RANBP17: variants seen among roughly 807,000 people sequenced by gnomAD.
RANBP17 encodes the protein ran-binding protein 17.
In RANBP17, 158 loss-of-function variants were observed where a neutral mutation model predicts 141.2. That is an observed-to-expected ratio of 1.12 (90% confidence interval 0.98 to 1.28). The LOEUF is 1.28. Among genes scored for constraint, RANBP17 ranks in the 50% most tolerant of loss-of-function variants. RANBP17 has a pLI of 0.00. For synonymous variants in RANBP17, 430 were observed against 450.0 expected (o/e 0.96, Z 0.56); for missense variants, 1,438 against 1,290.7 (o/e 1.11, Z -1.75).
chr5:170,939,349 A>G (rs1246669602), intron 12 of RANBP17, among the ~76,000 whole-genome samples: 1 of 150,676 alleles, frequency 6.6e-6, no homozygotes, highest in East Asian at 1.9e-4. Flanking sequence ...TGGTAAACTC[A>G]AAAATTTTAT....
chr5:171,092,566 T>G (rs1482276125), intron 14 of RANBP17, among the ~76,000 whole-genome samples: 2 of 152,230 alleles, frequency 1.3e-5, no homozygotes, highest in Admixed American at 1.3e-4. Context: ...CTTACCCTGT[T>G]AAAGTCTTAT....
At chr5:170,996,842 A>G (rs1338376924) in intron 14 of RANBP17, among the ~76,000 whole-genome samples, 1 of 152,142 alleles carries the variant, frequency 6.6e-6, no homozygotes, top group African/African-American at 2.4e-5. Context: ...ATTGCTAGCA[A>G]AAGGGGGGGA....
chr5:170,900,380 G>T (rs1391776357), intron 5 of RANBP17, among the ~76,000 whole-genome samples: 1 of 152,024 alleles, frequency 6.6e-6, no homozygotes, highest in African/African-American at 2.4e-5. Flanking sequence ...GTTTTTTATT[G>T]TGTCTATTTG....
chr5:171,145,073 C>CA (rs543606217), intron 14 of RANBP17, among the ~76,000 whole-genome samples: 1 of 152,256 alleles, frequency 6.6e-6, no homozygotes, highest in South Asian at 2.1e-4. Context: ...ATTGTTTTAT[C>CA]AAAAAGTGCT....
intron 14 of RANBP17, among the ~76,000 whole-genome samples, chr5:171,066,013 A>G (rs1393620255): frequency 6.6e-6 from 1 of 151,124 alleles, no homozygotes; most frequent in Non-Finnish European, 1.5e-5. Flanking sequence ...GACGCCCACC[A>G]CCATGCCCAG....
intron 19 of RANBP17, among the ~76,000 whole-genome samples, chr5:171,204,127 G>T (rs1762446155): frequency 6.6e-6 from 1 of 152,064 alleles, no homozygotes; most frequent in Admixed American, 6.5e-5. Context: ...AATAAGAACT[G>T]GTGAGAGTAT....
At chr5:171,200,375 T>C (rs567142494) in intron 19 of RANBP17, among the ~76,000 whole-genome samples, 1 of 152,316 alleles carries the variant, frequency 6.6e-6, no homozygotes, top group African/African-American at 2.4e-5. Context: ...ACAGTCATAA[T>C]ATCTAAGACA....
intron 18 of RANBP17, among the ~76,000 whole-genome samples, chr5:171,188,463 G>T (rs1226066370): frequency 6.6e-6 from 1 of 152,192 alleles, no homozygotes; most frequent in South Asian, 2.1e-4. Context: ...GGCATACTGG[G>T]TCCTGGCCTC....
intron 19 of RANBP17, 84 bp from the exon 20 acceptor site, chr5:171,205,440 A>C: frequency 9.3e-7 from 1 of 1,073,024 alleles, no homozygotes; most frequent in Non-Finnish European, 1.4e-6. Context: ...AAAATCAGAT[A>C]TGTGGTCATT....
chr5:171,192,314 C>T (rs563575890), intron 18 of RANBP17, among the ~76,000 whole-genome samples: 28 of 152,170 alleles, frequency 1.8e-4, no homozygotes, highest in Middle Eastern at 3.4e-3. Context: ...AATTAGCTGG[C>T]CCTGTAGGCA....
intron 14 of RANBP17, chr5:170,970,367 A>G (rs1158660339): frequency 6.6e-6 from 1 of 152,020 alleles, no homozygotes; most frequent in East Asian, 1.9e-4. Context: ...AGTCTCATTT[A>G]ATTGTATCAT....
chr5:171,292,369 A>G (rs1212294739), intron 25 of RANBP17, among the ~76,000 whole-genome samples: 2 of 152,204 alleles, frequency 1.3e-5, no homozygotes, highest in Non-Finnish European at 1.5e-5. Context: ...TACTCTTTGC[A>G]ATGCATTTTA....
intron 12 of RANBP17, among the ~76,000 whole-genome samples, chr5:170,930,148 T>C (rs1006190114): frequency 1.3e-5 from 2 of 152,128 alleles, no homozygotes; most frequent in Middle Eastern, 3.4e-3. Context: ...TCATTTTCTA[T>C]TTCACTGATT....
intron 14 of RANBP17, among the ~76,000 whole-genome samples, chr5:171,023,131 T>C (rs1261070039): frequency 6.6e-6 from 1 of 152,226 alleles, no homozygotes; most frequent in East Asian, 1.9e-4. Context: ...AGAACCTGGA[T>C]ACCTTGGTTG....
chr5:170,909,741 G>T lies in RANBP17; in HGVS notation c.570G>T (p.Val190=). The change falls in exon 6 of 28, where the codon GTG becomes GTT. Residue 190 remains valine (V), a synonymous_variant. Coordinates refer to ENST00000523189, the MANE Select transcript of RANBP17 (RefSeq NM_022897.5). The part of the protein sequence containing the change: ...FRDTSLKDVL[V]LACSLLKEVF... ...ATACTTCTCTCAAAGACGTTTTAGT[G>T]CTAGCATGCTCTCTTTTAAAAGAGG... 6.4e-7 allele frequency: 1 copy of T among 1,565,516 alleles called. No homozygotes were observed.
chr5:171,093,314 CTTTA>C lies in RANBP17; in HGVS notation c.1711-76806_1711-76803del, dbSNP rs572813465. Among the ~76,000 whole-genome samples the C allele has an allele frequency of 7.9e-5, 12 of 152,080 alleles. No homozygotes were observed. In the East Asian group the frequency reaches 1.7e-3, roughly 22 times the overall value. On this transcript the variant is annotated intron_variant, in intron 14 of 27. Transcript: ENST00000523189. Reference sequence around the variant, plus strand: ...AAGCTACTTGAGGTTAAAAGCTCTACTTTATTTATTTATGTCCCTCCACTGTTTA... The same window carrying C: ...AAGCTACTTGAGGTTAAAAGCTCTACTTTATTTATGTCCCTCCACTGTTTA...
intron 1 of RANBP17, among the ~76,000 whole-genome samples, chr5:170,875,249 C>G (rs1196976645): frequency 6.6e-6 from 1 of 152,106 alleles, no homozygotes; most frequent in African/African-American, 2.4e-5. Flanking sequence ...TTCCCTCCTG[C>G]TGCTCTTTAT....
At chr5:171,293,831 G>T in intron 25 of RANBP17, 52 bp from the exon 26 acceptor site, 1 of 1,345,912 alleles carries the variant, frequency 7.4e-7, no homozygotes. Context: ...CCTGGGATTA[G>T]GGGGAACTCT....
At chr5:171,044,650 GATA>G (rs1184990097) in intron 14 of RANBP17, among the ~76,000 whole-genome samples, 1 of 152,004 alleles carries the variant, frequency 6.6e-6, no homozygotes, top group Non-Finnish European at 1.5e-5. Context: ...CTAAATTGTT[GATA>G]ATATGATCTG....
Sources: allele counts gnomAD v4.1 joint callset (sites outside exome capture counted in the v4.1 genomes callset), GRCh38; gene constraint gnomAD v4.1.1; transcripts MANE v1.5; gene names NCBI Gene and HGNC (gene_info 2026-07-23, HGNC 2026-07-21).